Variants in PRDM15 observed in about 807,000 individuals in gnomAD.
PRDM15 encodes the protein PR domain zinc finger protein 15.
In PRDM15, 64 loss-of-function variants were observed where a neutral mutation model predicts 128.6. The observed-to-expected ratio is 0.50, with a 90% CI of 0.41 to 0.61. PRDM15 has a LOEUF of 0.61. Ranked by LOEUF, PRDM15 falls within the 20% of genes least tolerant of loss-of-function variation. The pLI is 0.00. For missense variants in PRDM15, 1,242 were observed against 1,569.1 expected, an observed-to-expected ratio of 0.79 and a Z score of 3.52; for synonymous variants, 615 against 621.8, an observed-to-expected ratio of 0.99 and a Z score of 0.16.
chr21:41,853,262 C>T (rs2063482974), intron 5 of PRDM15, among the ~76,000 whole-genome samples: 1 of 152,246 alleles, frequency 6.6e-6, no homozygotes, highest in African/African-American at 2.4e-5. Context: ...CTCAATCATA[C>T]TGACAAACAG....
intron 1 of PRDM15, among the ~76,000 whole-genome samples, chr21:41,861,324 C>T (rs978898133): frequency 6.6e-6 from 1 of 152,324 alleles, no homozygotes; most frequent in Admixed American, 6.5e-5. Context: ...TGAGGTTCAC[C>T]TCCAGAAACA....
At chr21:41,823,843 C>T (rs557230273) in intron 13 of PRDM15, among the ~76,000 whole-genome samples, 1 of 152,350 alleles carries the variant, frequency 6.6e-6, no homozygotes, top group African/African-American at 2.4e-5. Flanking sequence ...ACCCCCTTGG[C>T]TTTTATACTG....
At position 41,799,147 on chromosome 21, in the gene PRDM15, T is replaced by C. The variant is rs895982565; in HGVS notation, c.*2093A>G. On this transcript the variant is annotated 3_prime_UTR_variant, in exon 24 of 24. Coordinates refer to ENST00000398548, the MANE Select transcript of PRDM15 (RefSeq NM_001040424.3). ...TGTGATTTCCAAGGCCTTTATTTTATAGGGAAGAGGAATAAAAGATCAATG... is the reference window on the plus strand; with the variant it reads ...TGTGATTTCCAAGGCCTTTATTTTACAGGGAAGAGGAATAAAAGATCAATG... 1.3e-5 allele frequency: 2 copies of C among 152,230 alleles called. No homozygotes were observed. Among genetic ancestry groups the C allele is most frequent in the African/African-American group, 4.8e-5 (2 of 41,462 alleles). 9.4% of individuals were successfully genotyped at this position (152,230 alleles called of 1,614,324 possible).
At chr21:41,820,403 G>A (rs1031598468) in intron 16 of PRDM15, among the ~76,000 whole-genome samples, 4 of 152,206 alleles carry the variant, frequency 2.6e-5, no homozygotes, top group Non-Finnish European at 5.9e-5. Context: ...TTGGAGATGG[G>A]GTCTTTGCAG....
rs62214696 is a variant in PRDM15, at chr21:41,834,831, C to T, written c.1366+606G>A. Among the ~76,000 whole-genome samples, 415 of 152,368 alleles carry T rather than the reference C, an allele frequency of 2.7e-3. 3 individuals are homozygous for T. Among genetic ancestry groups the T allele is most frequent in the Non-Finnish European group, 4.9e-3 (333 of 68,040 alleles). On this transcript the variant is annotated intron_variant, in intron 11 of 23. Transcript: ENST00000398548. Reference sequence around the variant, plus strand: ...CGGCCAGAGAGACAGGGGCCTCAGACGCCCCCCAGGCCCGAAGAGGCCACC... The same window carrying T: ...CGGCCAGAGAGACAGGGGCCTCAGATGCCCCCCAGGCCCGAAGAGGCCACC...
chr21:41,816,673 G>A (rs1415246459), intron 18 of PRDM15, among the ~76,000 whole-genome samples: 1 of 152,142 alleles, frequency 6.6e-6, no homozygotes, highest in African/African-American at 2.4e-5. Context: ...CCATCCACCA[G>A]CTCCTGCCAG....
chr21:41,859,578 C>T lies in PRDM15; in HGVS notation c.131+14G>A, dbSNP rs138068492. The T allele has an allele frequency of 2.4e-5, 38 of 1,610,034 alleles. No homozygotes were observed. Among genetic ancestry groups the T allele is most frequent in the African/African-American group, 2.0e-4 (15 of 74,922 alleles). On this transcript the variant is annotated intron_variant, in intron 3 of 23. Transcript: ENST00000398548. The surrounding 1 kb of genome is among the most constrained non-coding windows in gnomAD (Gnocchi z 5.3). ...GGCATATGGAAGGCCCGGGAGCTCACGGCGGTCACTCACCTTGCCCTGCTT... is the reference window on the plus strand; with the variant it reads ...GGCATATGGAAGGCCCGGGAGCTCATGGCGGTCACTCACCTTGCCCTGCTT...
chr21:41,864,625 C>T (rs1486532631), intron 1 of PRDM15, among the ~76,000 whole-genome samples: 3 of 151,986 alleles, frequency 2.0e-5, no homozygotes, highest in African/African-American at 4.8e-5. Context: ...CTACCTGCAG[C>T]CCCCCTTACT....
At position 41,810,335 on chromosome 21, in the gene PRDM15, CACACACACGCAG is replaced by C. The variant is rs1170007581; in HGVS notation, c.2477-18_2477-7del. On this transcript the variant is annotated splice_polypyrimidine_tract_variant and splice_region_variant and intron_variant, in intron 20 of 23. Coordinates refer to ENST00000398548, the MANE Select transcript of PRDM15 (RefSeq NM_001040424.3). The surrounding 1 kb of genome is among the most constrained non-coding windows in gnomAD (Gnocchi z 6.4). ...GCACGTCCACTGCTTGCCCACTTTTCACACACACGCAGACACACATGCGCGTGGAAAGGAAGA... is the reference window on the plus strand; with the variant it reads ...GCACGTCCACTGCTTGCCCACTTTTCACACACATGCGCGTGGAAAGGAAGA... The C allele has an allele frequency of 1.2e-6, 2 of 1,610,174 alleles. No individual in the cohort carries two copies. Among genetic ancestry groups the C allele is most frequent in the Admixed American group, 1.7e-5 (1 of 59,916 alleles).
chr21:41,871,381 C>T, intron 1 of PRDM15: 3 of 766,532 alleles, frequency 3.9e-6, no homozygotes, highest in Non-Finnish European at 5.4e-6. Flanking sequence ...CTGCCTCTGC[C>T]TGGGGTCACC....
intron 1 of PRDM15, among the ~76,000 whole-genome samples, chr21:41,873,591 C>T (rs2064292297): frequency 6.6e-6 from 1 of 152,226 alleles, no homozygotes; most frequent in Admixed American, 6.5e-5. Flanking sequence ...GGGCCTTCAA[C>T]CATGCCCTTC....
intron 3 of PRDM15, among the ~76,000 whole-genome samples, chr21:41,858,457 G>A: frequency 6.6e-6 from 1 of 151,222 alleles, no homozygotes; most frequent in Non-Finnish European, 1.5e-5. Context: ...GACATGGGGT[G>A]CCCAGAGCAC....
intron 1 of PRDM15, chr21:41,871,531 C>T (rs376979380): frequency 6.6e-5 from 107 of 1,610,764 alleles, no homozygotes; most frequent in South Asian, 1.8e-4. Context: ...GGCCTGCACT[C>T]GCAGGGCTCA....
At chr21:41,806,433 C>T (rs796832171) in intron 21 of PRDM15, among the ~76,000 whole-genome samples, 2 of 46,014 alleles carry the variant, frequency 4.3e-5, no homozygotes, top group Admixed American at 2.5e-4. Context: ...ACCATCACCA[C>T]CACCACCATC....
chr21:41,825,521 G>A (rs1242873498), intron 13 of PRDM15, among the ~76,000 whole-genome samples: 1 of 152,236 alleles, frequency 6.6e-6, no homozygotes, highest in Non-Finnish European at 1.5e-5. Flanking sequence ...GATCGGCCAT[G>A]CTCTAACTTA....
intron 1 of PRDM15, among the ~76,000 whole-genome samples, chr21:41,872,482 C>A (rs908452737): frequency 1.3e-5 from 2 of 152,104 alleles, no homozygotes; most frequent in Non-Finnish European, 2.9e-5. Context: ...ACTTAAACAA[C>A]TTCATTATCA....
chr21:41,819,983 G>A, intron 17 of PRDM15, 112 bp downstream of exon 17: 1 of 913,038 alleles, frequency 1.1e-6, no homozygotes, highest in Non-Finnish European at 1.7e-6. Flanking sequence ...GAAGGCATGG[G>A]GGAGGCAAGG....
Position 41,838,082 on chromosome 21 carries a change from AC to A in PRDM15, c.872-20del. 6.2e-7 allele frequency: 1 copy of A among 1,612,932 alleles called. No homozygotes were observed. Among genetic ancestry groups the A allele is most frequent in the South Asian group, 1.1e-5 (1 of 91,068 alleles). ...ACTTGCTCTGTACGAAGGGGATGTG[AC>A]AAGCTAAGTAACCACAAGAGCAGGG... On this transcript the variant is annotated intron_variant, in intron 7 of 23. Coordinates refer to ENST00000398548, the MANE Select transcript of PRDM15 (RefSeq NM_001040424.3).
At chr21:41,823,147 C>G (rs763330507) in intron 14 of PRDM15, 171 bp downstream of exon 14, 4 of 855,332 alleles carry the variant, frequency 4.7e-6, no homozygotes, top group Non-Finnish European at 5.6e-6. Context: ...TGAGCCTCGC[C>G]AGACACCGAA....
Sources: allele counts gnomAD v4.1 joint callset (sites outside exome capture counted in the v4.1 genomes callset), GRCh38; gene constraint gnomAD v4.1.1; non-coding constraint Gnocchi (gnomAD v3.1); transcripts MANE v1.5; gene names NCBI Gene and HGNC (gene_info 2026-07-23, HGNC 2026-07-21).